The following NSUN6 variants were observed in gnomAD, a reference collection of about 807,000 sequenced individuals.
NSUN6 encodes tRNA (cytosine(72)-C(5))-methyltransferase NSUN6.
Under a neutral mutation model 58.0 loss-of-function variants are expected in NSUN6, and 64 were observed. The ratio of observed to expected loss-of-function variants is 1.10; its 90% CI spans 0.90 to 1.36. The LOEUF (loss-of-function observed/expected upper bound fraction) is 1.36, where lower values mean the gene tolerates loss of function less well. Ranked by LOEUF, NSUN6 falls within the 40% of genes most tolerant of loss-of-function variation. The pLI is 0.00. For synonymous variants in NSUN6, 231 were observed against 193.9 expected (o/e 1.19, Z -1.59); for missense variants, 701 against 550.1 (o/e 1.27, Z -2.74).
intron 3 of NSUN6, among the ~76,000 whole-genome samples, chr10:18,626,002 A>T (rs10829038): frequency 0.56 from 85,666 of 151,808 alleles, 24,737 homozygotes; most frequent in East Asian, 0.97. Flanking sequence ...TTTATAAACA[A>T]AAAGGCAACA....
chr10:18,637,936 T>C (rs952764639), intron 3 of NSUN6, among the ~76,000 whole-genome samples: 12 of 152,212 alleles, frequency 7.9e-5, no homozygotes, highest in African/African-American at 2.7e-4. Context: ...TGTATGCAGA[T>C]GTAAGCACAG....
intron 5 of NSUN6, among the ~76,000 whole-genome samples, chr10:18,610,336 G>A (rs1208010262): frequency 6.6e-6 from 1 of 151,894 alleles, no homozygotes; most frequent in Non-Finnish European, 1.5e-5. Context: ...CGTCAAGAGT[G>A]AAACTCCGTC....
At chr10:18,580,727 T>C (rs2056868391) in intron 8 of NSUN6, among the ~76,000 whole-genome samples, 1 of 152,142 alleles carries the variant, frequency 6.6e-6, no homozygotes, top group Non-Finnish European at 1.5e-5. Flanking sequence ...CCCCCATCTC[T>C]GCAGCAGTGG....
chr10:18,648,009 G>A (rs192265668), intron 2 of NSUN6, among the ~76,000 whole-genome samples: 4 of 152,104 alleles, frequency 2.6e-5, no homozygotes, highest in East Asian at 1.9e-4. Context: ...AAAATGCTGC[G>A]ATTACAGGCA....
chr10:18,607,133 C>G (rs1374960518), intron 6 of NSUN6, among the ~76,000 whole-genome samples: 4 of 152,160 alleles, frequency 2.6e-5, no homozygotes, highest in African/African-American at 9.7e-5. Flanking sequence ...TTAGATGATG[C>G]CTCTCACATG....
chr10:18,631,436 T>C (rs1370280974), intron 3 of NSUN6, among the ~76,000 whole-genome samples: 1 of 137,450 alleles, frequency 7.3e-6, no homozygotes, highest in Non-Finnish European at 1.6e-5. Context: ...ATAAAGGGTA[T>C]TCAATGAGGA....
upstream of NSUN6, chr10:18,652,591 GTC>G (rs2059728700): frequency 5.6e-5 from 41 of 730,824 alleles, no homozygotes; most frequent in Non-Finnish European, 6.0e-5. Context: ...TTTTTTTTGA[GTC>G]TCTGTCGCCC....
chr10:18,593,707 A>G (rs534232054), intron 7 of NSUN6, among the ~76,000 whole-genome samples: 1 of 152,130 alleles, frequency 6.6e-6, no homozygotes, highest in African/African-American at 2.4e-5. Flanking sequence ...GGGCCTGTCA[A>G]AGGGTTGGAG....
At chr10:18,645,272 T>C (rs1283222088) in intron 2 of NSUN6, among the ~76,000 whole-genome samples, 1 of 148,034 alleles carries the variant, frequency 6.8e-6, no homozygotes, top group African/African-American at 2.5e-5. Context: ...ATGGCTGAGA[T>C]AGTGACACCT....
In NSUN6 at chr10:18,548,097, T is replaced by C. The variant is rs772304801; in HGVS notation, c.1197+15A>G. 1.9e-6 allele frequency: 3 copies of C among 1,612,630 alleles called. No homozygotes were observed. The South Asian group carries it at 3.3e-5, about 18-fold the overall frequency. ...ATTTATCTTATTACACAGAGAAAAA[T>C]GAAATTACTCCTACCTGGGGCTGAA... On this transcript the variant is annotated intron_variant, in intron 10 of 10. Coordinates refer to ENST00000377304, the MANE Select transcript of NSUN6 (RefSeq NM_182543.5).
At chr10:18,622,644 A>G (rs1368742779) in intron 3 of NSUN6, among the ~76,000 whole-genome samples, 3 of 152,296 alleles carry the variant, frequency 2.0e-5, no homozygotes, top group Admixed American at 1.3e-4. Context: ...CGGAGGTGGA[A>G]GTTGCAGTGA....
intron 3 of NSUN6, among the ~76,000 whole-genome samples, chr10:18,632,723 T>G (rs914056666): frequency 2.0e-5 from 3 of 152,300 alleles, no homozygotes; most frequent in African/African-American, 7.2e-5. Flanking sequence ...CTCACACCCG[T>G]TAGAATGGCA....
At chr10:18,628,521 A>C (rs1331272923) in intron 3 of NSUN6, among the ~76,000 whole-genome samples, 1 of 152,180 alleles carries the variant, frequency 6.6e-6, no homozygotes, top group Non-Finnish European at 1.5e-5. Context: ...AGTTTAGAAG[A>C]ATCTATAACT....
Position 18,616,407 on chromosome 10 carries a change from A to G in NSUN6, c.312-114T>C, listed in dbSNP as rs11813408. 2,349 of 575,986 alleles carry G rather than the reference A, an allele frequency of 4.1e-3. 44 individuals are homozygous for G. Among genetic ancestry groups the G allele is most frequent in the African/African-American group, 0.04 (2,114 of 52,520 alleles). The allele number at this position is 575,986 out of a possible 1,614,324, so 35.7% of individuals were successfully genotyped here. On this transcript the variant is annotated intron_variant, in intron 3 of 10. Coordinates refer to ENST00000377304, the MANE Select transcript of NSUN6 (RefSeq NM_182543.5). ...CTTTAGTCTTAACTGTCCTGAATACATAAGAAAACGCTGAAAAGAGAGGCA... is the reference window on the plus strand; with the variant it reads ...CTTTAGTCTTAACTGTCCTGAATACGTAAGAAAACGCTGAAAAGAGAGGCA...
intron 6 of NSUN6, among the ~76,000 whole-genome samples, chr10:18,598,045 A>C (rs1025788975): frequency 6.6e-6 from 1 of 152,216 alleles, no homozygotes; most frequent in Non-Finnish European, 1.5e-5. Flanking sequence ...GAAGCAACTG[A>C]AGATCCACAA....
At chr10:18,638,758 C>A (rs111741553) in intron 3 of NSUN6, among the ~76,000 whole-genome samples, 1 of 151,846 alleles carries the variant, frequency 6.6e-6, no homozygotes, top group Admixed American at 6.6e-5. Context: ...AAGAAAGTAA[C>A]GCAGTACATA....
intron 4 of NSUN6, 94 bp downstream of exon 4, chr10:18,616,090 G>T: frequency 1.3e-6 from 1 of 744,852 alleles, no homozygotes; most frequent in Non-Finnish European, 2.3e-6. Flanking sequence ...GAAAAATTTG[G>T]AATATATCTT....
intron 8 of NSUN6, among the ~76,000 whole-genome samples, chr10:18,553,666 G>C (rs12765362): frequency 0.56 from 83,988 of 150,776 alleles, 23,893 homozygotes; most frequent in East Asian, 0.97. Flanking sequence ...GAATGGAATG[G>C]AATGTAGTGG....
intron 8 of NSUN6, among the ~76,000 whole-genome samples, chr10:18,573,874 A>C (rs1205959148): frequency 1.3e-5 from 2 of 152,172 alleles, no homozygotes; most frequent in African/African-American, 4.8e-5. Flanking sequence ...TTTTAGGCTT[A>C]GTTGGATACT....
Sources: allele counts gnomAD v4.1 joint callset (sites outside exome capture counted in the v4.1 genomes callset), GRCh38; gene constraint gnomAD v4.1.1; transcripts MANE v1.5; gene names NCBI Gene and HGNC (gene_info 2026-07-23, HGNC 2026-07-21).